MGP: variants seen among roughly 807,000 people sequenced by gnomAD.
The protein encoded by MGP is matrix Gla protein.
Under a neutral mutation model 14.5 loss-of-function variants are expected in MGP, and 13 were observed. The observed-to-expected ratio is 0.89, with a 90% CI of 0.58 to 1.42. MGP has a LOEUF of 1.42. MGP is among the 40% of genes most tolerant of loss of function. The pLI is 0.00. For missense variants in MGP, 128 were observed against 133.7 expected, an observed-to-expected ratio of 0.96 and a Z score of 0.21; for synonymous variants, 44 against 46.3, an observed-to-expected ratio of 0.95 and a Z score of 0.20.
chr12:14,884,936 G>A (rs1202748562), intron 1 of MGP: 2 of 1,469,168 alleles, frequency 1.4e-6, no homozygotes, highest in East Asian at 5.0e-5. Context: ...ATTAATATTT[G>A]CCAGCAAGTG....
intron 2 of MGP, 112 bp from the exon 3 acceptor site, chr12:14,883,159 T>C: frequency 1.2e-6 from 1 of 855,788 alleles, no homozygotes; most frequent in East Asian, 2.6e-5. Context: ...ATGCAACTCA[T>C]ATAAACGGAG....
rs536440407 is a variant in MGP, at chr12:14,882,275, C to T, written c.176G>A (p.Arg59Gln). ...RWRAKVQERI[R>Q]ERSKPVHELN... ...CTCGTGGACAGGCTTAGAGCGTTCTCGGATCCTAGAAAGTGGAAGAAGAGG... is the reference window on the plus strand; with the variant it reads ...CTCGTGGACAGGCTTAGAGCGTTCTTGGATCCTAGAAAGTGGAAGAAGAGG... Residue 59 changes from arginine to glutamine, a missense_variant, in exon 4 of 4, where the codon CGA becomes CAA. Coordinates refer to ENST00000539261, the MANE Select transcript of MGP (RefSeq NM_000900.5). 31 of 1,613,884 alleles carry T rather than the reference C, an allele frequency of 1.9e-5. No homozygotes were observed. The highest frequency in any genetic ancestry group is 1.9e-4 in the South Asian group (17 of 91,066).
chr12:14,883,190 A>G, intron 2 of MGP, 143 bp from the exon 3 acceptor site: 1 of 680,174 alleles, frequency 1.5e-6, no homozygotes, highest in South Asian at 1.6e-5. Context: ...ATTAAAGGAG[A>G]GTATAAAGTA....
chr12:14,884,293 T>G, intron 1 of MGP, 48 bp from the exon 2 acceptor site: 1 of 1,198,004 alleles, frequency 8.3e-7, no homozygotes, highest in Non-Finnish European at 1.2e-6. Flanking sequence ...TATCCATGAT[T>G]CATTATGTTA....
intron 1 of MGP, among the ~76,000 whole-genome samples, chr12:14,884,577 ACAGAAGTCTC>A (rs1359685271): frequency 6.6e-6 from 1 of 152,228 alleles, no homozygotes; most frequent in Non-Finnish European, 1.5e-5. Context: ...TAAGTGCTGT[ACAGAAGTCTC>A]CAGAGAACCT....
intron 1 of MGP, 51 bp downstream of exon 1, chr12:14,885,680 A>C (rs1340958359): frequency 1.4e-6 from 2 of 1,468,640 alleles, no homozygotes; most frequent in African/African-American, 2.8e-5. Context: ...AAGTAAGCCA[A>C]AGTCAGAGGC....
intron 2 of MGP, chr12:14,883,905 C>T: frequency 3.9e-6 from 1 of 253,218 alleles, no homozygotes; most frequent in Non-Finnish European, 7.7e-6. Flanking sequence ...TGTGCTTTAC[C>T]ATTTGTCATT....
At chr12:14,884,643 G>C (rs1001684975) in intron 1 of MGP, among the ~76,000 whole-genome samples, 11 of 152,146 alleles carry the variant, frequency 7.2e-5, no homozygotes, top group Non-Finnish European at 1.5e-4. Context: ...GGGTCAAAGA[G>C]GATTAAGAAG....
At chr12:14,883,077 T>A in intron 2 of MGP, 30 bp from the exon 3 acceptor site, 1 of 1,468,860 alleles carries the variant, frequency 6.8e-7, no homozygotes, top group Non-Finnish European at 9.5e-7. Context: ...AAATGCAGTT[T>A]TAGCGACACA....
rs1863379537 is a variant in MGP at position 14,882,038 on chromosome 12, A to G, written c.*101T>C. ...ACAAGAGAATATACAGGAAAGAAGC[A>G]TTGTATATAAGCCTATGTATTTCTG... On this transcript the variant is annotated 3_prime_UTR_variant, in exon 4 of 4. Transcript: ENST00000539261. 1.3e-5 allele frequency: 18 copies of G among 1,412,130 alleles called. No homozygotes were observed. Among genetic ancestry groups the G allele is most frequent in the Non-Finnish European group, 1.6e-5 (16 of 999,810 alleles). The allele number at this position is 1,412,130 out of a possible 1,614,324, so 87.5% of individuals were successfully genotyped here. A position where few individuals can be genotyped will look rare whatever the true frequency, so the allele number is the denominator to read the frequency against.
intron 1 of MGP, chr12:14,884,755 T>G (rs1459622846): frequency 1.4e-6 from 2 of 1,478,674 alleles, no homozygotes; most frequent in East Asian, 4.9e-5. Context: ...GAAAGCCTCT[T>G]AAGAACCTGT....
At chr12:14,884,168 CT>C in intron 2 of MGP, 44 bp downstream of exon 2, 1 of 1,383,854 alleles carries the variant, frequency 7.2e-7, no homozygotes, top group Non-Finnish European at 1.0e-6. Context: ...AGAAGAGGTT[CT>C]TTAATGCAAG....
chr12:14,884,854 T>C, intron 1 of MGP: 1 of 1,535,268 alleles, frequency 6.5e-7, no homozygotes, highest in Non-Finnish European at 8.7e-7. Flanking sequence ...TGAAACGATA[T>C]CAAAGCCGAA....
In MGP at chr12:14,884,206, C is replaced by G. The variant is rs1863413434; in HGVS notation, c.94+7G>C. 6.9e-7 allele frequency: 1 copy of G among 1,459,110 alleles called. No individual in the cohort carries two copies. Among genetic ancestry groups the G allele is most frequent in the Non-Finnish European group, 9.5e-7 (1 of 1,056,138 alleles). The allele number at this position is 1,459,110 out of a possible 1,614,324, so 90.4% of individuals were successfully genotyped here. A position where few individuals can be genotyped will look rare whatever the true frequency, so the allele number is the denominator to read the frequency against. On this transcript the variant is annotated splice_region_variant and intron_variant, in intron 2 of 3. Coordinates refer to ENST00000539261, the MANE Select transcript of MGP (RefSeq NM_000900.5). ...GATTTGAATAAAGAAGTTAAATATT[C>G]ACTTACTAAGTTCATAAGATTCCAT... is the stretch of plus-strand genomic sequence containing the variant.
Position 14,882,542 on chromosome 12 carries a change from T to C in MGP, c.171-262A>G, listed in dbSNP as rs140498412. 9.2e-5 allele frequency among the ~76,000 whole-genome samples: 14 copies of C among 151,528 alleles called. 1 individual carries two copies. The East Asian group carries it at 2.7e-3, about 29-fold the overall frequency. On this transcript the variant is annotated intron_variant, in intron 3 of 3. Transcript: ENST00000539261. ...GACAAAACCCCGTCTCTACAAAAAATGCAAAAATAGCTGGACATGGTAGCA... is the reference window on the plus strand; with the variant it reads ...GACAAAACCCCGTCTCTACAAAAAACGCAAAAATAGCTGGACATGGTAGCA...
intron 2 of MGP, chr12:14,883,457 A>C (rs1292241165): frequency 8.8e-6 from 2 of 227,936 alleles, no homozygotes; most frequent in Non-Finnish European, 1.8e-5. Context: ...AATGAGAGTG[A>C]TGTGCCATTT....
chr12:14,885,431 G>A (rs1863427647), intron 1 of MGP, among the ~76,000 whole-genome samples: 1 of 152,170 alleles, frequency 6.6e-6, no homozygotes, highest in Non-Finnish European at 1.5e-5. Context: ...TAAAAATGAG[G>A]ATGCAGGGGG....
Position 14,882,299 on chromosome 12 carries a change from G to T in MGP, c.171-19C>A. On this transcript the variant is annotated intron_variant, in intron 3 of 3. Coordinates refer to ENST00000539261, the MANE Select transcript of MGP (RefSeq NM_000900.5). ...TCGGATCCTAGAAAGTGGAAGAAGA[G>T]GCCAAAATTGAGAAGGATAAAGTGG... 6.2e-7 allele frequency: 1 copy of T among 1,613,758 alleles called. No individual in the cohort carries two copies. The highest frequency in any genetic ancestry group is 8.5e-7 in the Non-Finnish European group (1 of 1,179,864).
At position 14,885,740 on chromosome 12, in the gene MGP, A is replaced by C. The variant is rs746239005; in HGVS notation, c.52T>G (p.Leu18Val). 2.5e-6 allele frequency: 4 copies of C among 1,613,638 alleles called. No homozygotes were observed. Among genetic ancestry groups the C allele is most frequent in the Middle Eastern group, 1.7e-4 (1 of 6,052 alleles). ...AILAALAVVT[L>V]CYESHESMES... ...GAGAAAAGTTTCTCACCATAACACA[A>C]AGTTACTACCGCTAAGGCGGCCAGG... The change falls in exon 1 of 4, where the codon TTG (leucine) becomes GTG (valine). Residue 18 changes from leucine to valine, a missense_variant. Coordinates refer to ENST00000539261, the MANE Select transcript of MGP (RefSeq NM_000900.5).
Sources: allele counts gnomAD v4.1 joint callset (sites outside exome capture counted in the v4.1 genomes callset), GRCh38; gene constraint gnomAD v4.1.1; transcripts MANE v1.5; gene names NCBI Gene and HGNC (gene_info 2026-07-23, HGNC 2026-07-21).